The following TAFA2 variants were observed in gnomAD, a reference collection of about 807,000 sequenced individuals.
TAFA2 encodes chemokine-like protein TAFA-2.
TAFA2 carries 7 observed loss-of-function variants against 18.8 expected under a neutral mutation model. The ratio of observed to expected loss-of-function variants is 0.37; its 90% CI spans 0.21 to 0.70. The LOEUF (loss-of-function observed/expected upper bound fraction) is 0.70. TAFA2 is among the 30% of genes least tolerant of loss of function. TAFA2 has a pLI of 0.53. For missense variants in TAFA2, 122 were observed against 158.1 expected, an observed-to-expected ratio of 0.77 and a Z score of 1.23; for synonymous variants, 60 against 54.2, an observed-to-expected ratio of 1.11 and a Z score of -0.47.
At chr12:61,759,969 G>A (rs995310392) in intron 2 of TAFA2, among the ~76,000 whole-genome samples, 7 of 151,110 alleles carry the variant, frequency 4.6e-5, no homozygotes, top group African/African-American at 4.9e-5. Context: ...AGAGAGGTAT[G>A]CCCTCCTTCA....
chr12:61,914,473 C>A (rs950894042), intron 1 of TAFA2, among the ~76,000 whole-genome samples: 4 of 152,124 alleles, frequency 2.6e-5, no homozygotes, highest in African/African-American at 4.8e-5. Flanking sequence ...CTGTAGAAAG[C>A]CTGGTTTTTT....
intron 1 of TAFA2, among the ~76,000 whole-genome samples, chr12:62,241,681 G>A (rs1411828945): frequency 6.6e-6 from 1 of 152,034 alleles, no homozygotes; most frequent in African/African-American, 2.4e-5. Flanking sequence ...ACCTACATTT[G>A]GAAATATTAT....
chr12:62,098,818 C>T (rs926401971), intron 1 of TAFA2, among the ~76,000 whole-genome samples: 1 of 152,088 alleles, frequency 6.6e-6, no homozygotes, highest in Non-Finnish European at 1.5e-5. Context: ...AATATGAATT[C>T]ATATTTGACC....
At chr12:61,710,684 GACA>G (rs1869358859) in intron 4 of TAFA2, among the ~76,000 whole-genome samples, 1 of 151,998 alleles carries the variant, frequency 6.6e-6, no homozygotes, top group Admixed American at 6.6e-5. Flanking sequence ...CCCAACTGGT[GACA>G]ACAATATCCC....
intron 1 of TAFA2, among the ~76,000 whole-genome samples, chr12:62,153,539 G>A (rs922875208): frequency 2.0e-4 from 30 of 151,872 alleles, no homozygotes; most frequent in African/African-American, 5.1e-4. Context: ...GTGTGATAAC[G>A]CGCAACTGTC....
intron 2 of TAFA2, 98 bp downstream of exon 2, chr12:61,867,222 A>G (rs1271050449): frequency 3.3e-5 from 25 of 746,350 alleles, no homozygotes; most frequent in Non-Finnish European, 5.5e-5. Flanking sequence ...ATCTATACCT[A>G]GTAAAATTTA....
intron 4 of TAFA2, among the ~76,000 whole-genome samples, chr12:61,712,892 G>T (rs891723160): frequency 6.6e-6 from 1 of 152,068 alleles, no homozygotes; most frequent in Non-Finnish European, 1.5e-5. Context: ...GGCCAGAATG[G>T]CAGTATTGCC....
chr12:62,029,381 C>T (rs183677779), intron 1 of TAFA2, among the ~76,000 whole-genome samples: 40 of 152,188 alleles, frequency 2.6e-4, no homozygotes, highest in African/African-American at 9.6e-4. Context: ...TTATCAGAAC[C>T]ATTTTATTGA....
chr12:62,257,547 A>G (rs2062946866), intron 1 of TAFA2, among the ~76,000 whole-genome samples: 1 of 152,170 alleles, frequency 6.6e-6, no homozygotes, highest in African/African-American at 2.4e-5. Flanking sequence ...AATCCTTCCT[A>G]GAGAATCTCT....
At chr12:61,885,533 A>G (rs568991211) in intron 1 of TAFA2, among the ~76,000 whole-genome samples, 1 of 152,330 alleles carries the variant, frequency 6.6e-6, no homozygotes, top group South Asian at 2.1e-4. Flanking sequence ...GTTTTAATCT[A>G]CTTTGGGACA....
intron 1 of TAFA2, among the ~76,000 whole-genome samples, chr12:62,181,284 A>G (rs2062550613): frequency 6.6e-6 from 1 of 152,210 alleles, no homozygotes; most frequent in South Asian, 2.1e-4. Context: ...GTAACTATGT[A>G]ACTACTGATC....
chr12:61,778,352 T>C (rs1870360026), intron 2 of TAFA2, among the ~76,000 whole-genome samples: 2 of 151,684 alleles, frequency 1.3e-5, no homozygotes, highest in African/African-American at 4.8e-5. Flanking sequence ...AGCTTATTAC[T>C]TCATTATATC....
chr12:62,081,037 C>T (rs1014748959), intron 1 of TAFA2, among the ~76,000 whole-genome samples: 3 of 152,002 alleles, frequency 2.0e-5, no homozygotes, highest in Non-Finnish European at 4.4e-5. Context: ...TACGAAAAGA[C>T]ACAAAAAATT....
At chr12:61,930,209 T>C (rs956427230) in intron 1 of TAFA2, among the ~76,000 whole-genome samples, 3 of 151,974 alleles carry the variant, frequency 2.0e-5, no homozygotes, top group Admixed American at 6.5e-5. Flanking sequence ...TTGAGAAACC[T>C]TGAATCTGTT....
chr12:61,983,387 G>GTTTTA (rs1879705876), intron 1 of TAFA2, among the ~76,000 whole-genome samples: 1 of 138,592 alleles, frequency 7.2e-6, no homozygotes. Flanking sequence ...GATTCTGTTT[G>GTTTTA]TTTTGTTTTG....
At chr12:61,980,742 A>G (rs561311613) in intron 1 of TAFA2, among the ~76,000 whole-genome samples, 1 of 152,266 alleles carries the variant, frequency 6.6e-6, no homozygotes, top group South Asian at 2.1e-4. Context: ...TAAGAATCCG[A>G]CTTACAAGGG....
chr12:61,735,730 G>A (rs1409438797), intron 4 of TAFA2, among the ~76,000 whole-genome samples: 1 of 151,624 alleles, frequency 6.6e-6, no homozygotes, highest in Non-Finnish European at 1.5e-5. Context: ...ATTTTTTAAT[G>A]TTTGTCTTAG....
At chr12:62,107,280 T>C (rs1230606068) in intron 1 of TAFA2, among the ~76,000 whole-genome samples, 1 of 147,914 alleles carries the variant, frequency 6.8e-6, no homozygotes, top group Admixed American at 6.8e-5. Context: ...TTGATAAAGC[T>C]ACTGGAAGAA....
intron 2 of TAFA2, chr12:61,776,014 T>G (rs536667984): frequency 7.0e-5 from 25 of 356,498 alleles, no homozygotes; most frequent in African/African-American, 4.1e-4. Context: ...ACCACACACA[T>G]GCGAATCTAT....
Sources: gnomAD v4.1 joint callset for allele counts (sites outside exome capture counted in the v4.1 genomes callset) on GRCh38, gnomAD v4.1.1 for gene constraint, MANE v1.5 for transcripts, NCBI Gene and HGNC (gene_info 2026-07-23, HGNC 2026-07-21) for gene names.